The following ATRNL1 variants were observed in gnomAD, a reference collection of about 807,000 sequenced individuals.
The protein encoded by ATRNL1 is attractin-like protein 1.
In ATRNL1, 95 loss-of-function variants were observed where a neutral mutation model predicts 182.7. The observed-to-expected ratio is 0.52, with a 90% confidence interval of 0.44 to 0.62. The LOEUF is 0.62. Ranked by LOEUF, ATRNL1 falls within the 20% of genes least tolerant of loss-of-function variation. The pLI is 0.00. For missense variants in ATRNL1, 1,471 were observed against 1,679.5 expected (o/e 0.88, Z 2.17); for synonymous variants, 576 against 568.3 (o/e 1.01, Z -0.19).
chr10:115,897,143 A>C (rs782509108), intron 28 of ATRNL1, among the ~76,000 whole-genome samples: 1 of 152,222 alleles, frequency 6.6e-6, no homozygotes, highest in South Asian at 2.1e-4. Context: ...ATACATACAT[A>C]CATCCCAAAG....
intron 27 of ATRNL1, among the ~76,000 whole-genome samples, chr10:115,784,008 T>A (rs536090639): frequency 1.7e-4 from 26 of 152,220 alleles, no homozygotes; most frequent in African/African-American, 5.3e-4. Context: ...CGAGACTCCA[T>A]CCCAAAAACA....
At chr10:115,240,963 T>C (rs1850396453) in intron 9 of ATRNL1, among the ~76,000 whole-genome samples, 1 of 152,034 alleles carries the variant, frequency 6.6e-6, no homozygotes, top group Non-Finnish European at 1.5e-5. Flanking sequence ...ATCTATAGAC[T>C]CCACTTAGGT....
chr10:115,282,389 C>T (rs1554917223), intron 14 of ATRNL1, among the ~76,000 whole-genome samples: 2 of 150,946 alleles, frequency 1.3e-5, no homozygotes, highest in Non-Finnish European at 3.0e-5. Flanking sequence ...GGTATATCTC[C>T]CAATGCTATC....
chr10:115,573,772 A>C (rs1308737604), intron 26 of ATRNL1, among the ~76,000 whole-genome samples: 2 of 152,196 alleles, frequency 1.3e-5, no homozygotes, highest in African/African-American at 4.8e-5. Context: ...TGAGCTATCA[A>C]GAATATGTAG....
intron 3 of ATRNL1, among the ~76,000 whole-genome samples, chr10:115,126,810 C>G (rs1251106288): frequency 6.6e-6 from 1 of 152,106 alleles, no homozygotes; most frequent in African/African-American, 2.4e-5. Context: ...TCACCAATTG[C>G]ATGTTTTCAT....
At chr10:115,547,870 T>C (rs1405356872) in intron 25 of ATRNL1, among the ~76,000 whole-genome samples, 3 of 152,170 alleles carry the variant, frequency 2.0e-5, no homozygotes, top group East Asian at 1.9e-4. Flanking sequence ...CCCTAAAATA[T>C]TGAATATTAC....
At chr10:115,683,142 A>G (rs1555045256) in intron 26 of ATRNL1, among the ~76,000 whole-genome samples, 1 of 152,090 alleles carries the variant, frequency 6.6e-6, no homozygotes, top group African/African-American at 2.4e-5. Flanking sequence ...GTTTATACAT[A>G]TGGATATTAT....
chr10:115,531,122 T>C (rs1185002093), intron 25 of ATRNL1, among the ~76,000 whole-genome samples: 113 of 152,150 alleles, frequency 7.4e-4, no homozygotes, highest in Non-Finnish European at 5.9e-4. Flanking sequence ...GCATGATTTA[T>C]AGTCCTTTGG....
At chr10:115,494,104 C>T (rs1335766354) in intron 24 of ATRNL1, among the ~76,000 whole-genome samples, 18 of 151,930 alleles carry the variant, frequency 1.2e-4, no homozygotes, top group Non-Finnish European at 5.9e-5. Flanking sequence ...TTGTTGGAAG[C>T]TCTTCAGTTT....
intron 28 of ATRNL1, among the ~76,000 whole-genome samples, chr10:115,873,096 G>A (rs1951622039): frequency 6.6e-6 from 1 of 152,230 alleles, no homozygotes; most frequent in Non-Finnish European, 1.5e-5. Context: ...ATAATCAGTT[G>A]AGATCTACAT....
intron 26 of ATRNL1, among the ~76,000 whole-genome samples, chr10:115,558,390 A>C (rs1853452002): frequency 6.6e-6 from 1 of 152,126 alleles, no homozygotes; most frequent in African/African-American, 2.4e-5. Flanking sequence ...ATCTGGAAGA[A>C]GGTTTTGTCT....
In ATRNL1 at chr10:115,199,273, A is replaced by G. The variant is rs751206720; in HGVS notation, c.1349-16424A>G. On this transcript the variant is annotated intron_variant, in intron 8 of 28. Coordinates refer to ENST00000355044, the MANE Select transcript of ATRNL1 (RefSeq NM_207303.4). ...GTATTTTCAGTTTTTTTAATGAGCA[A>G]TAAAAGAAAATGTTTCGGCTGGGTG... 7.9e-5 allele frequency among the ~76,000 whole-genome samples: 12 copies of G among 151,906 alleles called. No homozygotes were observed. In the South Asian group the frequency reaches 1.0e-3, roughly 13 times the overall value.
chr10:115,351,010 G>C (rs371525059), intron 19 of ATRNL1, among the ~76,000 whole-genome samples: 3 of 151,734 alleles, frequency 2.0e-5, no homozygotes, highest in African/African-American at 7.3e-5. Flanking sequence ...TTTATTTGTA[G>C]CTATTTTAAA....
intron 1 of ATRNL1, among the ~76,000 whole-genome samples, chr10:115,094,684 A>G (rs1592087943): frequency 6.6e-6 from 1 of 152,188 alleles, no homozygotes; most frequent in Admixed American, 6.5e-5. Context: ...ATTTACGGAG[A>G]GAAATCGAGG....
chr10:115,825,513 A>G (rs943511609), intron 27 of ATRNL1, among the ~76,000 whole-genome samples: 3 of 152,142 alleles, frequency 2.0e-5, no homozygotes, highest in African/African-American at 7.2e-5. Context: ...AGTTGCCCTG[A>G]TCTGCCACCC....
At chr10:115,272,954 C>T (rs781933215) in intron 13 of ATRNL1, among the ~76,000 whole-genome samples, 48 of 152,090 alleles carry the variant, frequency 3.2e-4, no homozygotes, top group Non-Finnish European at 5.1e-4. Flanking sequence ...GCAGTTATGG[C>T]AGAAGCATTG....
At chr10:115,145,539 G>C (rs782517441) in intron 5 of ATRNL1, among the ~76,000 whole-genome samples, 64 of 152,074 alleles carry the variant, frequency 4.2e-4, no homozygotes, top group Non-Finnish European at 7.9e-4. Flanking sequence ...ATTTAAAATA[G>C]ACAAAAGTTA....
At chr10:115,480,566 T>C (rs182275580) in intron 24 of ATRNL1, among the ~76,000 whole-genome samples, 13 of 151,276 alleles carry the variant, frequency 8.6e-5, no homozygotes, top group Non-Finnish European at 1.2e-4. Context: ...ATGTATTAAC[T>C]ATACTAATTA....
At chr10:115,441,793 C>G (rs1329080558) in intron 21 of ATRNL1, among the ~76,000 whole-genome samples, 2 of 151,916 alleles carry the variant, frequency 1.3e-5, no homozygotes, top group African/African-American at 2.4e-5. Context: ...TATATACTTG[C>G]TTTTGTCAAA....
Sources: allele counts gnomAD v4.1 joint callset (sites outside exome capture counted in the v4.1 genomes callset), GRCh38; gene constraint gnomAD v4.1.1; transcripts MANE v1.5; gene names NCBI Gene and HGNC (gene_info 2026-07-23, HGNC 2026-07-21).